The following PCDH11X variants were observed in gnomAD, a reference collection of about 807,000 sequenced individuals.
PCDH11X encodes the protein protocadherin-11 X-linked.
Under a neutral mutation model 53.3 loss-of-function variants are expected in PCDH11X, and 18 were observed. That is an observed-to-expected ratio of 0.34 (90% CI 0.23 to 0.50). The LOEUF (loss-of-function observed/expected upper bound fraction) is 0.50, where lower values mean the gene tolerates loss of function less well. Ranked by LOEUF, PCDH11X falls within the 20% of genes least tolerant of loss-of-function variation. PCDH11X has a pLI of 0.98. For missense variants in PCDH11X, 570 were observed against 1,032.4 expected, an observed-to-expected ratio of 0.55 and a Z score of 6.14; for synonymous variants, 279 against 393.3, an observed-to-expected ratio of 0.71 and a Z score of 3.44.
chrX:92,099,539 T>G (rs1458261511), intron 6 of PCDH11X, among the ~76,000 whole-genome samples: 1 of 111,807 alleles, frequency 8.9e-6, no homozygotes, highest in Non-Finnish European at 1.9e-5. Flanking sequence ...CTGTGGTTGC[T>G]AAGAAATTCT....
At chrX:92,297,209 A>G (rs965956629) in intron 8 of PCDH11X, among the ~76,000 whole-genome samples, 1 of 109,934 alleles carries the variant, frequency 9.1e-6, no homozygotes, top group African/African-American at 3.3e-5. Context: ...TCTCTGTTAT[A>G]AAATCTTTGC....
chrX:92,105,356 G>A (rs1228962956), intron 6 of PCDH11X, among the ~76,000 whole-genome samples: 13 of 110,723 alleles, frequency 1.2e-4, no homozygotes, highest in Non-Finnish European at 2.3e-4. Context: ...GTCCTAGGTG[G>A]ATCTTACGGA....
At chrX:91,812,301 G>T (rs1773022567) in intron 4 of PCDH11X, among the ~76,000 whole-genome samples, 1 of 110,834 alleles carries the variant, frequency 9.0e-6, no homozygotes, top group South Asian at 3.8e-4. Context: ...CTTTAGAGAA[G>T]AAAAGATTTA....
rs777816833 is a variant in PCDH11X, at chrX:92,459,741, C to G, written c.3344-8558C>G. 2.9e-5 allele frequency: 32 copies of G among 1,113,742 alleles called. No individual in the cohort carries two copies. The African/African-American group carries it at 4.3e-4, about 15-fold the overall frequency. 91.8% of individuals were successfully genotyped at this position (1,113,742 alleles called of 1,213,427 possible). A position where few individuals can be genotyped will look rare whatever the true frequency, so the allele number is the denominator to read the frequency against. ...GCTCTGTCCAGGCGCCCAGCTACGG[C>G]GCCCGGCCGGTCAGCAGCGCGGCCA... On this transcript the variant is annotated intron_variant, in intron 9 of 10. Coordinates refer to ENST00000682573, the MANE Select transcript of PCDH11X (RefSeq NM_032968.5).
intron 6 of PCDH11X, among the ~76,000 whole-genome samples, chrX:92,197,834 G>T (rs1255486958): frequency 9.0e-6 from 1 of 111,720 alleles, no homozygotes; most frequent in African/African-American, 3.3e-5. Flanking sequence ...AGACTTCCAT[G>T]GTGGGTTTGA....
chrX:92,378,716 C>T lies in PCDH11X; in HGVS notation c.3145-9019C>T, dbSNP rs1490708089. On this transcript the variant is annotated intron_variant, in intron 8 of 10. Coordinates refer to ENST00000682573, the MANE Select transcript of PCDH11X (RefSeq NM_032968.5). Reference sequence around the variant, plus strand: ...CATAGACAAGGAGGCATCTTTTCACCGTGTACTCACATGGCAGAAAGGGTA... The same window carrying T: ...CATAGACAAGGAGGCATCTTTTCACTGTGTACTCACATGGCAGAAAGGGTA... 2.7e-5 allele frequency among the ~76,000 whole-genome samples: 3 copies of T among 111,308 alleles called. No homozygotes were observed. The Admixed American group carries it at 2.9e-4, about 11-fold the overall frequency.
intron 10 of PCDH11X, among the ~76,000 whole-genome samples, chrX:92,589,971 A>G (rs142862465): frequency 0.024 from 2,691 of 110,865 alleles, 49 homozygotes; most frequent in Non-Finnish European, 0.04. Flanking sequence ...TTCCTCAATT[A>G]TTCCTACGAT....
At chrX:92,357,264 G>A (rs1405983728) in intron 8 of PCDH11X, among the ~76,000 whole-genome samples, 1 of 111,521 alleles carries the variant, frequency 9.0e-6, no homozygotes, top group Admixed American at 9.5e-5. Context: ...TGATGATCAG[G>A]AAGAATTTGA....
chrX:91,978,591 A>C (rs2062078313), intron 6 of PCDH11X, among the ~76,000 whole-genome samples: 1 of 110,516 alleles, frequency 9.0e-6, no homozygotes, highest in Middle Eastern at 4.7e-3. Flanking sequence ...GAATAGGTGA[A>C]AGAGGAATCT....
intron 9 of PCDH11X, among the ~76,000 whole-genome samples, chrX:92,442,454 C>A (rs1278484276): frequency 9.0e-6 from 1 of 111,344 alleles, no homozygotes; most frequent in East Asian, 2.9e-4. Context: ...TGAATAAGTA[C>A]CACAAGATCT....
intron 6 of PCDH11X, among the ~76,000 whole-genome samples, chrX:92,149,325 C>T (rs1351667625): frequency 1.1e-4 from 12 of 109,337 alleles, no homozygotes; most frequent in Non-Finnish European, 1.1e-4. Context: ...GTGTCTATAT[C>T]AGAGAAAGAT....
At chrX:92,114,196 G>T (rs1207786360) in intron 6 of PCDH11X, 1 of 1,107,008 alleles carries the variant, frequency 9.0e-7, no homozygotes, top group African/African-American at 1.8e-5. Context: ...CTGCAGAATC[G>T]ATATGGCAAA....
chrX:91,985,227 C>T (rs1375659505), intron 6 of PCDH11X, among the ~76,000 whole-genome samples: 1 of 112,250 alleles, frequency 8.9e-6, no homozygotes, highest in Non-Finnish European at 1.9e-5. Flanking sequence ...ATTTGTCCGG[C>T]CGGGTGTGGT....
intron 6 of PCDH11X, among the ~76,000 whole-genome samples, chrX:92,147,978 TTC>T: frequency 1.1e-5 from 1 of 88,104 alleles, no homozygotes; most frequent in African/African-American, 5.3e-5. Flanking sequence ...CCTTCCTTCC[TTC>T]CTTCCTTTCT....
Position 91,878,013 on chromosome X carries a change from A to G in PCDH11X, c.1773A>G (p.Leu591=). The change falls in exon 6 of 11, where the codon CTA becomes CTG. Residue 591 remains leucine, a synonymous_variant. Coordinates refer to ENST00000682573, the MANE Select transcript of PCDH11X (RefSeq NM_032968.5). ...TTCCAAGGCATGGTACAGTAGGACTAATCACTGTAACTGATCCTGATTATG... is the reference window on the plus strand; with the variant it reads ...TTCCAAGGCATGGTACAGTAGGACTGATCACTGTAACTGATCCTGATTATG... The part of the protein sequence containing the change: ...ENLPRHGTVG[L]ITVTDPDYGD... The G allele has an allele frequency of 8.3e-7, 1 of 1,208,226 alleles. No individual in the cohort carries two copies. Among genetic ancestry groups the G allele is most frequent in the East Asian group, 3.0e-5 (1 of 33,648 alleles).
chrX:92,588,641 TA>T (rs1382350645), intron 10 of PCDH11X, among the ~76,000 whole-genome samples: 3 of 108,799 alleles, frequency 2.8e-5, no homozygotes, highest in Non-Finnish European at 5.7e-5. Flanking sequence ...TAAAAACCAA[TA>T]AAACACGCCT....
chrX:92,294,586 A>C (rs1314175996), intron 8 of PCDH11X, among the ~76,000 whole-genome samples: 1 of 112,006 alleles, frequency 8.9e-6, no homozygotes, highest in Non-Finnish European at 1.9e-5. Flanking sequence ...ACATTACAAT[A>C]ATCAACAGGA....
In PCDH11X at chrX:92,100,021, T is replaced by A. The variant is rs6615321; in HGVS notation, c.3034-101354T>A. Among the ~76,000 whole-genome samples, 1,198 of 111,823 alleles carry A rather than the reference T, an allele frequency of 0.011. 76 individuals carry two copies. The East Asian group carries it at 0.23, about 22-fold the overall frequency. On this transcript the variant is annotated intron_variant, in intron 6 of 10. Transcript: ENST00000682573. Reference sequence around the variant, plus strand: ...CATATATTTAAAAGATTCCATCATATTGACAGAACAAGCATTTACAGCACT... The same window carrying A: ...CATATATTTAAAAGATTCCATCATAATGACAGAACAAGCATTTACAGCACT...
chrX:91,861,867 C>T (rs112680998), intron 5 of PCDH11X, among the ~76,000 whole-genome samples: 6,489 of 111,242 alleles, frequency 0.058, 504 homozygotes, highest in African/African-American at 0.2. Context: ...ATCACTCCAC[C>T]GTGCTTTTCT....
Sources: allele counts gnomAD v4.1 joint callset (sites outside exome capture counted in the v4.1 genomes callset), GRCh38; gene constraint gnomAD v4.1.1; transcripts MANE v1.5; gene names NCBI Gene and HGNC (gene_info 2026-07-23, HGNC 2026-07-21).